GUCY2F: variants seen among roughly 807,000 people sequenced by gnomAD.
The protein encoded by GUCY2F is retinal guanylyl cyclase 2.
Under a neutral mutation model 73.1 loss-of-function variants are expected in GUCY2F, and 61 were observed. That is an observed-to-expected ratio of 0.83 (90% CI 0.68 to 1.03). The LOEUF is 1.03. GUCY2F is among the 50% of genes least tolerant of loss of function. GUCY2F has a pLI of 0.00. For synonymous variants in GUCY2F, 331 were observed against 307.8 expected (o/e 1.08, Z -0.79); for missense variants, 912 against 854.3 (o/e 1.07, Z -0.84).
intron 19 of GUCY2F, among the ~76,000 whole-genome samples, 192 bp downstream of exon 19, chrX:109,375,706 C>A (rs770565837): frequency 8.9e-6 from 1 of 112,462 alleles, no homozygotes; most frequent in Non-Finnish European, 1.9e-5. Context: ...CAATTTCCCA[C>A]AGGTGCAGCT....
At chrX:109,402,833 A>T (rs944080118) in intron 10 of GUCY2F, among the ~76,000 whole-genome samples, 2 of 111,435 alleles carry the variant, frequency 1.8e-5, no homozygotes, top group South Asian at 7.7e-4. Flanking sequence ...CCCTAAATTT[A>T]ATAACCCACA....
At chrX:109,432,885 A>G (rs1478079351) in intron 7 of GUCY2F, among the ~76,000 whole-genome samples, 2 of 112,226 alleles carry the variant, frequency 1.8e-5, no homozygotes, top group East Asian at 5.6e-4. Flanking sequence ...AGCAACCTCA[A>G]GAAACTTCTG....
intron 6 of GUCY2F, among the ~76,000 whole-genome samples, chrX:109,445,040 G>C (rs1446073661): frequency 9.0e-6 from 1 of 111,386 alleles, no homozygotes; most frequent in African/African-American, 3.3e-5. Context: ...CCACATTCTA[G>C]TTTCTTCGTA....
At chrX:109,463,883 G>A (rs1932414489) in intron 3 of GUCY2F, among the ~76,000 whole-genome samples, 1 of 112,086 alleles carries the variant, frequency 8.9e-6, no homozygotes, top group Non-Finnish European at 1.9e-5. Flanking sequence ...AGCTTAGCAT[G>A]CTATGGCTTG....
intron 9 of GUCY2F, among the ~76,000 whole-genome samples, chrX:109,404,984 CTTG>C (rs1930939713): frequency 8.9e-6 from 1 of 112,214 alleles, no homozygotes; most frequent in African/African-American, 3.2e-5. Context: ...GATAAGAATG[CTTG>C]TTGTAGCTTT....
chrX:109,440,841 G>A (rs1015597306), intron 7 of GUCY2F, among the ~76,000 whole-genome samples: 4 of 112,066 alleles, frequency 3.6e-5, no homozygotes, highest in Non-Finnish European at 5.6e-5. Flanking sequence ...TTCAGCAGCA[G>A]AAAGTAACCT....
chrX:109,434,997 G>C (rs1178258788), intron 7 of GUCY2F, among the ~76,000 whole-genome samples: 1 of 109,712 alleles, frequency 9.1e-6, no homozygotes, highest in African/African-American at 3.4e-5. Flanking sequence ...TGTCTGTTTT[G>C]GTACCAGTAC....
chrX:109,388,425 C>G, intron 15 of GUCY2F, 64 bp downstream of exon 15: 1 of 871,381 alleles, frequency 1.1e-6, no homozygotes, highest in Non-Finnish European at 1.7e-6. Flanking sequence ...ATCTTTTTCC[C>G]TTTCTTTTTT....
intron 3 of GUCY2F, 128 bp from the exon 4 acceptor site, chrX:109,453,987 G>GA (rs778652973): frequency 1.1e-3 from 403 of 371,378 alleles, no homozygotes; most frequent in African/African-American, 8.3e-3. Context: ...AGACCCAGAG[G>GA]AAAAAAATTG....
intron 15 of GUCY2F, among the ~76,000 whole-genome samples, chrX:109,387,697 T>C (rs1489356207): frequency 1.8e-5 from 2 of 111,630 alleles, no homozygotes; most frequent in African/African-American, 6.5e-5. Flanking sequence ...CAGGTTGCTG[T>C]GGGTTGAGTA....
chrX:109,383,736 C>T (rs1008388803), intron 16 of GUCY2F, among the ~76,000 whole-genome samples: 14 of 112,212 alleles, frequency 1.2e-4, no homozygotes, highest in African/African-American at 4.2e-4. Flanking sequence ...CCATTTTCTT[C>T]GTTCTAGCTG....
intron 3 of GUCY2F, among the ~76,000 whole-genome samples, chrX:109,455,463 A>G (rs2147278337): frequency 8.9e-6 from 1 of 111,974 alleles, no homozygotes; most frequent in South Asian, 3.7e-4. Flanking sequence ...CTACCTGAGC[A>G]TAAAATAAGG....
At chrX:109,393,729 C>T (rs1047012131) in intron 12 of GUCY2F, among the ~76,000 whole-genome samples, 6 of 112,047 alleles carry the variant, frequency 5.4e-5, no homozygotes, top group African/African-American at 6.5e-5. Context: ...ATTTTCAATA[C>T]GCCTTTTTGG....
intron 9 of GUCY2F, among the ~76,000 whole-genome samples, chrX:109,405,624 C>T (rs1569360087): frequency 8.9e-6 from 1 of 111,862 alleles, no homozygotes; most frequent in Non-Finnish European, 1.9e-5. Flanking sequence ...TCTTTTCACC[C>T]TGTGCTCTTG....
chrX:109,443,740 A>T (rs1422947440), intron 6 of GUCY2F, among the ~76,000 whole-genome samples: 1 of 112,187 alleles, frequency 8.9e-6, no homozygotes, highest in Non-Finnish European at 1.9e-5. Flanking sequence ...GTTAGAGCTA[A>T]AACATCTAGG....
chrX:109,461,960 C>T (rs1932371944), intron 3 of GUCY2F, among the ~76,000 whole-genome samples: 1 of 112,451 alleles, frequency 8.9e-6, no homozygotes, highest in African/African-American at 3.2e-5. Flanking sequence ...ATAATTTGAT[C>T]TGAGAATATG....
intron 15 of GUCY2F, among the ~76,000 whole-genome samples, chrX:109,386,841 T>C (rs1328369947): frequency 8.9e-6 from 1 of 111,810 alleles, no homozygotes; most frequent in African/African-American, 3.3e-5. Context: ...GACTTGAAGT[T>C]TTAAATATGT....
intron 19 of GUCY2F, among the ~76,000 whole-genome samples, chrX:109,373,328 A>G (rs187782424): frequency 1.8e-5 from 2 of 111,852 alleles, no homozygotes; most frequent in African/African-American, 6.5e-5. Context: ...CCTCCATAGT[A>G]ACAGTGCTAT....
At chrX:109,411,526 G>A (rs1406172028) in intron 8 of GUCY2F, among the ~76,000 whole-genome samples, 3 of 111,532 alleles carry the variant, frequency 2.7e-5, no homozygotes, top group East Asian at 2.8e-4. Flanking sequence ...CTCTTTACCT[G>A]AAAGCATTTT....
Sources: allele counts gnomAD v4.1 joint callset (sites outside exome capture counted in the v4.1 genomes callset), GRCh38; gene constraint gnomAD v4.1.1; transcripts MANE v1.5; gene names NCBI Gene and HGNC (gene_info 2026-07-23, HGNC 2026-07-21).